The following ADRA1B variants were observed in gnomAD, a reference collection of about 807,000 sequenced individuals.
ADRA1B encodes alpha-1B adrenergic receptor.
A neutral mutation model predicts 17.9 loss-of-function variants in ADRA1B; 17 were observed. The observed-to-expected ratio is 0.95, with a 90% CI of 0.65 to 1.42. The LOEUF (loss-of-function observed/expected upper bound fraction) is 1.42, where lower values mean the gene tolerates loss of function less well. Ranked by LOEUF, ADRA1B falls within the 40% of genes most tolerant of loss-of-function variation. The pLI is 0.00. For synonymous variants in ADRA1B, 366 were observed against 327.6 expected (o/e 1.12, Z -1.27); for missense variants, 681 against 722.1 (o/e 0.94, Z 0.65).
intron 1 of ADRA1B, among the ~76,000 whole-genome samples, chr5:159,963,908 A>C (rs1186884199): frequency 6.6e-6 from 1 of 152,204 alleles, no homozygotes; most frequent in East Asian, 1.9e-4. Context: ...GCCCTTGGGC[A>C]CTCAAAGACT....
intron 1 of ADRA1B, among the ~76,000 whole-genome samples, chr5:159,909,247 C>A (rs1312252197): frequency 2.0e-5 from 3 of 152,190 alleles, no homozygotes; most frequent in Non-Finnish European, 2.9e-5. Context: ...AGCCCACACT[C>A]ATTCCAAGAC....
intron 1 of ADRA1B, chr5:159,868,752 C>G (rs968919932): frequency 8.5e-5 from 13 of 152,158 alleles, no homozygotes; most frequent in Non-Finnish European, 1.8e-4. Flanking sequence ...GGTACAACAT[C>G]CTTACTCAAA....
chr5:159,912,201 T>C (rs1014620581), upstream of ADRA1B, among the ~76,000 whole-genome samples: 1 of 152,232 alleles, frequency 6.6e-6, no homozygotes, highest in Non-Finnish European at 1.5e-5. Flanking sequence ...GGAACTATTC[T>C]GATCTTCATT....
intron 1 of ADRA1B, among the ~76,000 whole-genome samples, chr5:159,967,337 C>A (rs1393002055): frequency 6.6e-6 from 1 of 152,090 alleles, no homozygotes; most frequent in Non-Finnish European, 1.5e-5. Context: ...ATATGATCTG[C>A]TTGTATGAAT....
chr5:159,875,498 T>A (rs1412937095), intron 1 of ADRA1B, among the ~76,000 whole-genome samples: 1 of 152,200 alleles, frequency 6.6e-6, no homozygotes, highest in East Asian at 1.9e-4. Flanking sequence ...ATACATCAGT[T>A]TGGTTCATAT....
the ADRA1B span, among the ~76,000 whole-genome samples, chr5:159,987,913 G>A: frequency 6.6e-6 from 1 of 152,140 alleles, no homozygotes; most frequent in East Asian, 1.9e-4. Flanking sequence ...CTTTGTGGTA[G>A]GCTGAAGAAT....
chr5:159,939,427 G>A (rs994328427), intron 1 of ADRA1B, among the ~76,000 whole-genome samples: 1 of 152,006 alleles, frequency 6.6e-6, no homozygotes, highest in Non-Finnish European at 1.5e-5. Flanking sequence ...GCACAGATCT[G>A]CTCAAGCTGG....
At chr5:159,934,061 AACTCAATTGAGCACC>A (rs1386539464) in intron 1 of ADRA1B, among the ~76,000 whole-genome samples, 3 of 152,226 alleles carry the variant, frequency 2.0e-5, no homozygotes, top group Admixed American at 2.0e-4. Context: ...ACGAATTGAA[AACTCAATTGAGCACC>A]ACTCAAGAAG....
intron 1 of ADRA1B, among the ~76,000 whole-genome samples, chr5:159,867,313 C>T (rs1196434683): frequency 2.6e-5 from 4 of 152,080 alleles, no homozygotes; most frequent in Non-Finnish European, 5.9e-5. Flanking sequence ...ACCCCGTGTC[C>T]CAAGGCATAG....
chr5:159,901,009 C>T (rs1581024712), intron 1 of ADRA1B, among the ~76,000 whole-genome samples: 1 of 152,106 alleles, frequency 6.6e-6, no homozygotes. Context: ...GAGGTGACTA[C>T]TCCGAAGGGA....
At chr5:159,936,066 T>A (rs764699668) in intron 1 of ADRA1B, among the ~76,000 whole-genome samples, 6 of 152,216 alleles carry the variant, frequency 3.9e-5, no homozygotes, top group Non-Finnish European at 7.3e-5. Flanking sequence ...GAAATAAGAC[T>A]CTTCATGTAA....
chr5:159,986,402 A>G, the ADRA1B span, among the ~76,000 whole-genome samples: 1 of 152,174 alleles, frequency 6.6e-6, no homozygotes, highest in Non-Finnish European at 1.5e-5. Flanking sequence ...CTAGACAGAA[A>G]ATATTGATTA....
At chr5:159,912,151 C>T (rs1754233077), upstream of ADRA1B, among the ~76,000 whole-genome samples, 1 of 152,214 alleles carries the variant, frequency 6.6e-6, no homozygotes, top group African/African-American at 2.4e-5. Context: ...ACTTTACACA[C>T]ATTTTCACAT....
intron 1 of ADRA1B, among the ~76,000 whole-genome samples, chr5:159,900,484 G>A (rs781160192): frequency 6.6e-6 from 1 of 152,200 alleles, no homozygotes; most frequent in Non-Finnish European, 1.5e-5. Context: ...TTGTTATGGT[G>A]AGTAGAATCT....
At chr5:159,983,075 G>A in the ADRA1B span, among the ~76,000 whole-genome samples, 2 of 152,272 alleles carry the variant, frequency 1.3e-5, no homozygotes, top group Non-Finnish European at 2.9e-5. Context: ...TGATGAGGAC[G>A]CACCTGCTGC....
In ADRA1B at chr5:159,917,076, C is replaced by T. The variant is rs2229181; in HGVS notation, c.171C>T (p.Leu57=). 48,469 of 1,614,162 alleles carry T rather than the reference C, an allele frequency of 0.03. 882 individuals are homozygous for T. The highest frequency in any genetic ancestry group is 0.034 in the Non-Finnish European group (40,061 of 1,180,020). ...SVGLVLGAFI[L]FAIVGNILVI... ...GCCTGGTGCTGGGCGCCTTCATCCT[C>T]TTTGCCATCGTGGGCAACATCCTAG... is the stretch of plus-strand genomic sequence containing the variant. Residue 57 remains leucine, a synonymous_variant, in exon 1 of 2, where the codon CTC becomes CTT. Transcript: ENST00000306675.
intron 1 of ADRA1B, among the ~76,000 whole-genome samples, chr5:159,926,833 G>A (rs529377175): frequency 2.0e-5 from 3 of 152,228 alleles, no homozygotes; most frequent in East Asian, 3.9e-4. Context: ...GTTACAGTGA[G>A]CCAAGATTGC....
chr5:159,899,646 C>T (rs1182746694), intron 1 of ADRA1B, among the ~76,000 whole-genome samples: 1 of 152,168 alleles, frequency 6.6e-6, no homozygotes, highest in Non-Finnish European at 1.5e-5. Flanking sequence ...TGAAATGGTA[C>T]AGTCATAACC....
intron 1 of ADRA1B, chr5:159,950,695 G>C: frequency 1.4e-6 from 1 of 712,490 alleles, no homozygotes; most frequent in Non-Finnish European, 2.6e-6. Context: ...GCCCTTGGGG[G>C]GACACTCCAA....
Sources: allele counts gnomAD v4.1 joint callset (sites outside exome capture counted in the v4.1 genomes callset), GRCh38; gene constraint gnomAD v4.1.1; transcripts MANE v1.5; gene names NCBI Gene and HGNC (gene_info 2026-07-23, HGNC 2026-07-21).